The following RIPK2 variants were observed in gnomAD, a reference collection of about 807,000 sequenced individuals.
RIPK2 encodes the protein receptor interacting serine/threonine kinase 2.
RIPK2 carries 38 observed loss-of-function variants against 60.9 expected under a neutral mutation model. The ratio of observed to expected loss-of-function variants is 0.62; its 90% CI spans 0.48 to 0.82. RIPK2 has a LOEUF of 0.82. RIPK2 is among the 40% of genes least tolerant of loss of function. RIPK2 has a pLI of 0.00. For missense variants in RIPK2, 518 were observed against 647.0 expected, an observed-to-expected ratio of 0.80 and a Z score of 2.16; for synonymous variants, 225 against 223.4, an observed-to-expected ratio of 1.01 and a Z score of -0.06.
chr8:89,778,506 TTC>T (rs1398739854), intron 6 of RIPK2, among the ~76,000 whole-genome samples: 1 of 152,204 alleles, frequency 6.6e-6, no homozygotes, highest in African/African-American at 2.4e-5. Context: ...CAGTAATCTA[TTC>T]TCTGTCTTTC....
intron 9 of RIPK2, among the ~76,000 whole-genome samples, chr8:89,787,999 ATTG>A (rs1809614157): frequency 6.6e-6 from 1 of 152,156 alleles, no homozygotes; most frequent in Admixed American, 6.5e-5. Flanking sequence ...AGCCAAATAA[ATTG>A]TTAAGCCTGG....
intron 9 of RIPK2, among the ~76,000 whole-genome samples, chr8:89,788,244 G>A (rs1252554263): frequency 6.6e-6 from 1 of 151,968 alleles, no homozygotes; most frequent in Non-Finnish European, 1.5e-5. Flanking sequence ...TCAGGAGGCT[G>A]AGGCACAAGA....
intron 3 of RIPK2, among the ~76,000 whole-genome samples, chr8:89,768,366 C>T (rs1165198022): frequency 6.6e-6 from 1 of 151,566 alleles, no homozygotes; most frequent in Non-Finnish European, 1.5e-5. Flanking sequence ...TTGTGTGATG[C>T]TGAAATTTAA....
intron 9 of RIPK2, 31 bp from the exon 10 acceptor site, chr8:89,789,290 C>T (rs2052884468): frequency 6.3e-7 from 1 of 1,594,090 alleles, no homozygotes; most frequent in African/African-American, 1.3e-5. Context: ...AAGGAGTATT[C>T]TACTTCTAAT....
intron 3 of RIPK2, among the ~76,000 whole-genome samples, chr8:89,766,886 G>A (rs1450656074): frequency 1.3e-5 from 2 of 150,874 alleles, no homozygotes; most frequent in Non-Finnish European, 3.0e-5. Context: ...TGAGAGTTCT[G>A]TATTTGTTAC....
chr8:89,761,544 C>A (rs1809145094), intron 1 of RIPK2, among the ~76,000 whole-genome samples: 4 of 151,956 alleles, frequency 2.6e-5, no homozygotes, highest in Admixed American at 2.6e-4. Context: ...TCTACTAATC[C>A]TACATCTTGT....
At chr8:89,779,663 C>T (rs190125786) in intron 6 of RIPK2, among the ~76,000 whole-genome samples, 1 of 152,094 alleles carries the variant, frequency 6.6e-6, no homozygotes, top group East Asian at 1.9e-4. Context: ...GATGTCATAT[C>T]TAAGAACTCT....
chr8:89,788,171 A>T (rs937747678), intron 9 of RIPK2, among the ~76,000 whole-genome samples: 1 of 151,862 alleles, frequency 6.6e-6, no homozygotes, highest in Non-Finnish European at 1.5e-5. Flanking sequence ...CCAAAACCCC[A>T]TCTCTACTAA....
At chr8:89,784,164 A>AAAT in intron 8 of RIPK2, 25 bp downstream of exon 8, 1 of 1,096,680 alleles carries the variant, frequency 9.1e-7, no homozygotes, top group South Asian at 1.5e-5. Flanking sequence ...AAAAAAAAAA[A>AAAT]GGTTATATTA....
intron 1 of RIPK2, among the ~76,000 whole-genome samples, chr8:89,761,376 A>ACAT (rs547080835): frequency 1.4e-5 from 2 of 142,604 alleles, no homozygotes; most frequent in African/African-American, 5.4e-5. Context: ...ATTCCTTTTC[A>ACAT]TTTTTTTTTT....
At chr8:89,782,107 C>T (rs1472918718) in intron 7 of RIPK2, among the ~76,000 whole-genome samples, 1 of 151,978 alleles carries the variant, frequency 6.6e-6, no homozygotes, top group Non-Finnish European at 1.5e-5. Context: ...TGAGCTGGCA[C>T]TCCAGCCAGG....
intron 6 of RIPK2, 70 bp downstream of exon 6, chr8:89,772,898 C>A: frequency 1.8e-6 from 2 of 1,121,184 alleles, no homozygotes; most frequent in East Asian, 2.8e-5. Context: ...ATAAAATATT[C>A]CTTGAAAAAT....
chr8:89,779,999 T>C (rs1461187192), intron 6 of RIPK2, 76 bp from the exon 7 acceptor site: 3 of 721,756 alleles, frequency 4.2e-6, no homozygotes, highest in African/African-American at 1.8e-5. Flanking sequence ...TGAGGCCTTG[T>C]ACATTAAATG....
intron 2 of RIPK2, 82 bp from the exon 3 acceptor site, chr8:89,765,259 A>C (rs542701365): frequency 1.0e-6 from 1 of 955,300 alleles, no homozygotes. Context: ...GTATTTCCTC[A>C]TGGAATATTT....
At chr8:89,776,655 G>A (rs528424057) in intron 6 of RIPK2, among the ~76,000 whole-genome samples, 5 of 152,288 alleles carry the variant, frequency 3.3e-5, no homozygotes, top group South Asian at 2.1e-4. Flanking sequence ...AACCACCCCC[G>A]CCAGGGGTCC....
In RIPK2 at chr8:89,765,375, G is replaced by GACA; in HGVS notation, c.363_364insCAA (p.Arg121_Phe122insGln). The GACA allele has an allele frequency of 6.2e-7, 1 of 1,610,326 alleles. No homozygotes were observed. Among genetic ancestry groups the GACA allele is most frequent in the Admixed American group, 1.7e-5 (1 of 59,850 alleles). On this transcript the variant is annotated inframe_insertion, in exon 3 of 11. Coordinates refer to ENST00000220751, the MANE Select transcript of RIPK2 (RefSeq NM_003821.6). Reference sequence around the variant, plus strand: ...TATCCTGATGTTGCTTGGCCATTGAGATTTCGCATCCTGCATGAAATTGCC... The same window carrying GACA: ...TATCCTGATGTTGCTTGGCCATTGAGACAATTTCGCATCCTGCATGAAATTGCC...
chr8:89,784,786 G>A (rs373291801), intron 8 of RIPK2, among the ~76,000 whole-genome samples: 3 of 152,312 alleles, frequency 2.0e-5, no homozygotes, highest in East Asian at 3.9e-4. Context: ...ATAAAGAAAA[G>A]AGGTTTATTT....
At chr8:89,759,807 C>G (rs1809115639) in intron 1 of RIPK2, among the ~76,000 whole-genome samples, 1 of 152,170 alleles carries the variant, frequency 6.6e-6, no homozygotes, top group African/African-American at 2.4e-5. Flanking sequence ...CACTGATGGA[C>G]CCATTAGGTA....
Position 89,757,908 on chromosome 8 carries a change from T to C in RIPK2, c.-153T>C. The C allele has an allele frequency of 1.4e-6, 2 of 1,382,708 alleles. No homozygotes were observed. Among genetic ancestry groups the C allele is most frequent in the African/African-American group, 1.5e-5 (1 of 66,116 alleles). 85.7% of individuals were successfully genotyped at this position (1,382,708 alleles called of 1,614,324 possible). A position where few individuals can be genotyped will look rare whatever the true frequency, so the allele number is the denominator to read the frequency against. ...CGGCTGGCGTGGGCCATCCGGGGAATGGGCGCCCTCGTGACCTAGTGTTGC... is the reference window on the plus strand; with the variant it reads ...CGGCTGGCGTGGGCCATCCGGGGAACGGGCGCCCTCGTGACCTAGTGTTGC... On this transcript the variant is annotated 5_prime_UTR_variant, in exon 1 of 11. It removes an upstream start codon present in the reference 5' UTR. Transcript: ENST00000220751.
Sources: gnomAD v4.1 joint callset for allele counts (sites outside exome capture counted in the v4.1 genomes callset) on GRCh38, gnomAD v4.1.1 for gene constraint, MANE v1.5 for transcripts, NCBI Gene and HGNC (gene_info 2026-07-23, HGNC 2026-07-21) for gene names.